GSN: variants seen among roughly 807,000 people sequenced by gnomAD.
GSN encodes the protein gelsolin, also known as actin-depolymerizing factor.
A neutral mutation model predicts 85.7 loss-of-function variants in GSN; 56 were observed. That is an observed-to-expected ratio of 0.65 (90% CI 0.53 to 0.82). The LOEUF (loss-of-function observed/expected upper bound fraction) is 0.82, where lower values mean the gene tolerates loss of function less well. GSN is among the 40% of genes least tolerant of loss of function. The probability of loss-of-function intolerance (pLI) is 0.00; values close to 1 mark genes in which losing one functional copy is unlikely to be tolerated. For missense variants in GSN, 857 were observed against 979.8 expected (o/e 0.87, Z 1.67); for synonymous variants, 373 against 399.1 (o/e 0.93, Z 0.78).
intron 11 of GSN, among the ~76,000 whole-genome samples, chr9:121,322,896 T>C (rs893346270): frequency 6.6e-6 from 1 of 151,222 alleles, no homozygotes; most frequent in African/African-American, 2.4e-5. Flanking sequence ...AGTGGTACGA[T>C]CTCTGCTCAC....
At chr9:121,263,505 C>T (rs921787487), upstream of GSN, among the ~76,000 whole-genome samples, 3 of 152,056 alleles carry the variant, frequency 2.0e-5, no homozygotes, top group Non-Finnish European at 4.4e-5. Context: ...CCTCAGGAAA[C>T]TTACAATCAT....
intron 4 of GSN, among the ~76,000 whole-genome samples, chr9:121,227,405 A>AT (rs752110580): frequency 2.0e-5 from 3 of 151,176 alleles, no homozygotes; most frequent in Non-Finnish European, 4.4e-5. Flanking sequence ...AAAAAAAAAA[A>AT]GAGAGAGAGA....
intron 5 of GSN, chr9:121,311,911 C>T (rs1191882586): frequency 9.6e-6 from 2 of 209,046 alleles, no homozygotes; most frequent in African/African-American, 2.3e-5. Flanking sequence ...CTACTCTGAA[C>T]ATTCTTGCAC....
At chr9:121,235,457 A>T (rs1444960937) in intron 5 of GSN, among the ~76,000 whole-genome samples, 1 of 152,172 alleles carries the variant, frequency 6.6e-6, no homozygotes, top group Non-Finnish European at 1.5e-5. Flanking sequence ...ATTCTGGAAG[A>T]CAATTAGGAT....
At chr9:121,297,927 G>A (rs1444556346) in intron 2 of GSN, 1 of 152,186 alleles carries the variant, frequency 6.6e-6, no homozygotes, top group African/African-American at 2.4e-5. Context: ...AGGTGAAACT[G>A]GTTTATGCTT....
At chr9:121,305,049 G>T (rs2133283692) in intron 4 of GSN, among the ~76,000 whole-genome samples, 1 of 152,258 alleles carries the variant, frequency 6.6e-6, no homozygotes, top group South Asian at 2.1e-4. Context: ...GTTTCTTAGG[G>T]CATAACCTGA....
chr9:121,223,606 T>C lies in GSN; in HGVS notation c.-527-7559T>C, dbSNP rs572473430. Among the ~76,000 whole-genome samples, 193 of 152,312 alleles carry C rather than the reference T, an allele frequency of 1.3e-3. 1 individual carries two copies. Among genetic ancestry groups the C allele is most frequent in the African/African-American group, 4.4e-3 (183 of 41,562 alleles). ...CTGTTTTAAGTACTTTATATAAGTA[T>C]TATGTCACTTTTTATAAGTATTATT... is the stretch of plus-strand genomic sequence containing the variant. On this transcript the variant is annotated intron_variant, in intron 4 of 24. Coordinates refer to the GSN transcript ENST00000373823.
At chr9:121,258,238 C>T (rs2055007207) in intron 6 of GSN, among the ~76,000 whole-genome samples, 1 of 152,222 alleles carries the variant, frequency 6.6e-6, no homozygotes, top group Non-Finnish European at 1.5e-5. Context: ...AGGCGGATTA[C>T]TTGAGGCCAC....
upstream of GSN, among the ~76,000 whole-genome samples, chr9:121,202,908 C>G (rs1470132777): frequency 6.6e-6 from 1 of 152,132 alleles, no homozygotes; most frequent in Admixed American, 6.5e-5. Flanking sequence ...GGGCGGATCA[C>G]GAGGTCAGGA....
At chr9:121,215,569 C>G (rs1016710879) in intron 4 of GSN, among the ~76,000 whole-genome samples, 39 of 151,890 alleles carry the variant, frequency 2.6e-4, no homozygotes, top group Admixed American at 2.2e-3. Context: ...CGGCGAGTGC[C>G]TATAATCCCA....
chr9:121,255,706 A>C (rs2054941308), intron 6 of GSN, among the ~76,000 whole-genome samples: 1 of 152,192 alleles, frequency 6.6e-6, no homozygotes, highest in African/African-American at 2.4e-5. Flanking sequence ...TGATTTATTT[A>C]AATAAATTTA....
chr9:121,231,792 A>C (rs2054392641), intron 5 of GSN, among the ~76,000 whole-genome samples: 1 of 152,190 alleles, frequency 6.6e-6, no homozygotes, highest in African/African-American at 2.4e-5. Flanking sequence ...TAAAAATATA[A>C]AAGCAGGCCA....
chr9:121,327,219 C>G (rs1554824593), intron 13 of GSN, 89 bp from the exon 14 acceptor site: 2 of 1,044,818 alleles, frequency 1.9e-6, no homozygotes, highest in East Asian at 2.4e-5. Flanking sequence ...CACCTGAGAG[C>G]TAGTCCTGCT....
intron 4 of GSN, among the ~76,000 whole-genome samples, chr9:121,227,002 A>G (rs573790427): frequency 2.0e-5 from 3 of 152,288 alleles, no homozygotes; most frequent in South Asian, 2.1e-4. Context: ...CCCCAACTCT[A>G]TGGGGACAGA....
chr9:121,250,874 T>G (rs768910892), intron 6 of GSN, among the ~76,000 whole-genome samples: 1,125 of 24,270 alleles, frequency 0.046, 16 homozygotes, highest in African/African-American at 0.15. Context: ...CTGCTTGGGG[T>G]GTGTGTGTGT....
At chr9:121,310,068 AGAAAG>A (rs1413739894) in intron 4 of GSN, 3 of 153,474 alleles carry the variant, frequency 2.0e-5, no homozygotes, top group Admixed American at 1.3e-4. Context: ...AAAGAAAAAA[AGAAAG>A]GAAAGAAAAA....
At chr9:121,292,896 C>G (rs1021634797) in intron 2 of GSN, among the ~76,000 whole-genome samples, 1 of 152,166 alleles carries the variant, frequency 6.6e-6, no homozygotes, top group Admixed American at 6.5e-5. Context: ...GTCCACGGAT[C>G]CCTCACATTT....
intron 2 of GSN, among the ~76,000 whole-genome samples, chr9:121,292,369 A>G (rs1408116931): frequency 6.6e-6 from 1 of 151,738 alleles, no homozygotes; most frequent in African/African-American, 2.4e-5. Flanking sequence ...CTTGTTTGGA[A>G]CCCTCCCTGT....
intron 5 of GSN, among the ~76,000 whole-genome samples, chr9:121,232,035 C>G (rs1182323285): frequency 6.6e-6 from 1 of 152,128 alleles, no homozygotes; most frequent in Non-Finnish European, 1.5e-5. Flanking sequence ...CCACTGCACT[C>G]CAGCCTGGGT....
Sources: gnomAD v4.1 joint callset for allele counts (sites outside exome capture counted in the v4.1 genomes callset) on GRCh38, gnomAD v4.1.1 for gene constraint, MANE v1.5 for transcripts, NCBI Gene and HGNC (gene_info 2026-07-23, HGNC 2026-07-21) for gene names.